Variants in NTM observed in about 807,000 individuals in gnomAD.
NTM encodes the protein IgLON family member 2.
Under a neutral mutation model 42.1 loss-of-function variants are expected in NTM, and 13 were observed. The ratio of observed to expected loss-of-function variants is 0.31; its 90% CI spans 0.20 to 0.49. The LOEUF is 0.49. NTM is among the 20% of genes least tolerant of loss of function. NTM has a pLI of 0.99. For synonymous variants in NTM, 187 were observed against 179.2 expected (o/e 1.04, Z -0.35); for missense variants, 373 against 452.8 (o/e 0.82, Z 1.60).
chr11:131,698,842 C>A (rs1236655391), intron 1 of NTM, among the ~76,000 whole-genome samples: 1 of 152,182 alleles, frequency 6.6e-6, no homozygotes, highest in Non-Finnish European at 1.5e-5. Context: ...TGAGAGAAAG[C>A]CTATGTGTCC....
chr11:132,203,092 T>C (rs2081394408), intron 3 of NTM, among the ~76,000 whole-genome samples: 1 of 152,198 alleles, frequency 6.6e-6, no homozygotes, highest in Admixed American at 6.5e-5. Context: ...AGCGCATTGC[T>C]GACAAAAGAA....
chr11:132,316,676 T>G (rs1296259475), intron 7 of NTM, among the ~76,000 whole-genome samples: 1 of 152,124 alleles, frequency 6.6e-6, no homozygotes, highest in Non-Finnish European at 1.5e-5. Flanking sequence ...AGTTGAGAGA[T>G]CATTCCTGAG....
intron 2 of NTM, among the ~76,000 whole-genome samples, chr11:132,028,675 G>C (rs77665826): frequency 1.8e-3 from 267 of 152,182 alleles, no homozygotes; most frequent in African/African-American, 6.1e-3. Flanking sequence ...TTCTTCCCCC[G>C]CTCAGGTGAG....
At chr11:131,471,412 G>A (rs916325575) in intron 1 of NTM, among the ~76,000 whole-genome samples, 4 of 152,184 alleles carry the variant, frequency 2.6e-5, no homozygotes, top group African/African-American at 2.4e-5. Flanking sequence ...GATCTATCAC[G>A]TATGGGGAAA....
Position 131,721,032 on chromosome 11 carries a change from T to C in NTM, c.83-190532T>C, listed in dbSNP as rs115682563. On this transcript the variant is annotated intron_variant, in intron 1 of 8. Transcript: ENST00000683400. ...CTAGAGTTAATGGGGATTGTTTTAC[T>C]TTCCTATGAAAAACTATTGCACATT... is the stretch of plus-strand genomic sequence containing the variant. Among the ~76,000 whole-genome samples, 1,015 of 152,270 alleles carry C rather than the reference T, an allele frequency of 6.7e-3. 14 individuals are homozygous for C. The highest frequency in any genetic ancestry group is 0.023 in the African/African-American group (961 of 41,544).
chr11:131,781,797 A>G (rs2088193171), intron 1 of NTM, among the ~76,000 whole-genome samples: 1 of 152,184 alleles, frequency 6.6e-6, no homozygotes, highest in African/African-American at 2.4e-5. Flanking sequence ...ACCACTCTGC[A>G]CTCTGCCTAG....
chr11:132,085,791 TG>T (rs1311508904), intron 2 of NTM, among the ~76,000 whole-genome samples: 2 of 152,218 alleles, frequency 1.3e-5, no homozygotes, highest in South Asian at 4.1e-4. Flanking sequence ...TATTGGTCTC[TG>T]GGTGGTGCCC....
chr11:132,130,862 T>A (rs1321248677), intron 2 of NTM, among the ~76,000 whole-genome samples: 1 of 152,168 alleles, frequency 6.6e-6, no homozygotes, highest in Non-Finnish European at 1.5e-5. Context: ...ACATTACCAT[T>A]GTCCTGTACA....
Position 132,131,417 on chromosome 11 carries a change from G to C in NTM, c.168-14865G>C, listed in dbSNP as rs1355911444. The stretch of plus-strand genomic sequence containing the variant: ...CACAATAGGTTGCAAGAGGATTATG[G>C]AAAGAAAGATAAAGAAAATACACAG... On this transcript the variant is annotated intron_variant, in intron 2 of 8. Coordinates refer to ENST00000683400, the MANE Select transcript of NTM (RefSeq NM_001352005.2). Among the ~76,000 whole-genome samples the C allele has an allele frequency of 3.3e-5, 5 of 152,206 alleles. 1 individual carries two copies. The East Asian group carries it at 9.6e-4, about 29-fold the overall frequency.
intron 2 of NTM, among the ~76,000 whole-genome samples, chr11:132,045,383 G>A (rs1436777116): frequency 6.6e-6 from 1 of 152,160 alleles, no homozygotes; most frequent in Non-Finnish European, 1.5e-5. Flanking sequence ...CCTTACAAAT[G>A]TATTGGTAAT....
At chr11:131,993,801 G>T (rs1032161271) in intron 2 of NTM, among the ~76,000 whole-genome samples, 2 of 152,000 alleles carry the variant, frequency 1.3e-5, no homozygotes, top group Admixed American at 6.6e-5. Flanking sequence ...AGGAGTTTGA[G>T]ACCAGCCTGG....
At chr11:131,617,554 T>A (rs1055868233) in intron 1 of NTM, among the ~76,000 whole-genome samples, 7 of 152,084 alleles carry the variant, frequency 4.6e-5, no homozygotes, top group Non-Finnish European at 1.0e-4. Flanking sequence ...GAGGCAAGCG[T>A]GTGCTCAAGG....
chr11:131,777,477 C>T (rs1308515468), intron 1 of NTM, among the ~76,000 whole-genome samples: 1 of 117,124 alleles, frequency 8.5e-6, no homozygotes, highest in Non-Finnish European at 1.6e-5. Context: ...GTGAGTCTAC[C>T]TGGAAGCATG....
intron 1 of NTM, among the ~76,000 whole-genome samples, chr11:131,896,073 G>A (rs1271195353): frequency 2.0e-5 from 3 of 152,314 alleles, no homozygotes; most frequent in South Asian, 2.1e-4. Context: ...GGCAGGGGGA[G>A]CCACTGAAAC....
At chr11:131,866,468 C>T (rs988576767) in intron 1 of NTM, among the ~76,000 whole-genome samples, 22 of 152,222 alleles carry the variant, frequency 1.4e-4, no homozygotes, top group African/African-American at 4.3e-4. Flanking sequence ...CTGACTCCTC[C>T]GTAGGGCCAG....
At chr11:131,690,099 G>A (rs1478716127) in intron 1 of NTM, among the ~76,000 whole-genome samples, 2 of 152,062 alleles carry the variant, frequency 1.3e-5, no homozygotes, top group Non-Finnish European at 2.9e-5. Context: ...CCCCTCACAC[G>A]TCTGTCCCTG....
intron 2 of NTM, among the ~76,000 whole-genome samples, chr11:132,138,053 T>G (rs565033713): frequency 6.6e-6 from 1 of 152,318 alleles, no homozygotes; most frequent in East Asian, 1.9e-4. Context: ...CTCCTACTGC[T>G]GGACATGCTG....
intron 1 of NTM, among the ~76,000 whole-genome samples, chr11:131,441,895 T>C (rs1051548358): frequency 6.6e-6 from 1 of 152,170 alleles, no homozygotes; most frequent in Non-Finnish European, 1.5e-5. Context: ...CTGATGTTCT[T>C]CCAGGAGATA....
intron 2 of NTM, among the ~76,000 whole-genome samples, chr11:132,077,227 G>A (rs577127249): frequency 7.9e-5 from 12 of 152,304 alleles, no homozygotes; most frequent in African/African-American, 2.9e-4. Flanking sequence ...CTTGCATATT[G>A]GAAGCCTTAG....
Sources: allele counts gnomAD v4.1 joint callset (sites outside exome capture counted in the v4.1 genomes callset), GRCh38; gene constraint gnomAD v4.1.1; transcripts MANE v1.5; gene names NCBI Gene and HGNC (gene_info 2026-07-23, HGNC 2026-07-21).